The following C17orf78 variants were observed in gnomAD, a reference collection of about 807,000 sequenced individuals.
The protein encoded by C17orf78 is uncharacterized protein C17orf78.
Under a neutral mutation model 31.8 loss-of-function variants are expected in C17orf78, and 27 were observed. The observed-to-expected ratio is 0.85, with a 90% confidence interval of 0.63 to 1.17. C17orf78 has a LOEUF of 1.17. Ranked by LOEUF, C17orf78 falls within the 50% of genes most tolerant of loss-of-function variation. The pLI is 0.00. For missense variants in C17orf78, 258 were observed against 315.2 expected (o/e 0.82, Z 1.37); for synonymous variants, 106 against 115.1 (o/e 0.92, Z 0.51).
At chr17:37,376,735 A>G (rs1428941905) in intron 1 of C17orf78, among the ~76,000 whole-genome samples, 1 of 152,192 alleles carries the variant, frequency 6.6e-6, no homozygotes, top group Non-Finnish European at 1.5e-5. Context: ...TTGGTGGATC[A>G]CCTGAGGTCA....
intron 6 of C17orf78, among the ~76,000 whole-genome samples, 163 bp downstream of exon 6, chr17:37,389,525 C>G (rs573336417): frequency 5.4e-4 from 82 of 152,112 alleles, no homozygotes; most frequent in Non-Finnish European, 9.1e-4. Context: ...AACCCTGTCT[C>G]TACTAAAAAT....
At chr17:37,382,590 G>A (rs1000118931) in intron 3 of C17orf78, among the ~76,000 whole-genome samples, 26 of 151,958 alleles carry the variant, frequency 1.7e-4, no homozygotes, top group Admixed American at 8.5e-4. Flanking sequence ...CGTCAGGTGC[G>A]GTGGCTCACG....
intron 3 of C17orf78, among the ~76,000 whole-genome samples, chr17:37,381,626 CT>C (rs550853752): frequency 0.045 from 5,681 of 125,756 alleles, 50 homozygotes; most frequent in African/African-American, 0.086. Flanking sequence ...CTTCCATAGT[CT>C]TTTTTTTTTT....
At position 37,377,801 on chromosome 17, in the gene C17orf78, T is replaced by TA. The variant is rs542455492; in HGVS notation, c.59-73dup. On this transcript the variant is annotated intron_variant, in intron 1 of 6. Coordinates refer to ENST00000615133, the MANE Select transcript of C17orf78 (RefSeq NM_173625.5). ...ATATCTTCTCCATTGCCCAGAATTC[T>TA]AAAAAGTAAGTACCAGTAAATTCTG... The TA allele has an allele frequency of 2.8e-4, 341 of 1,217,164 alleles. No individual in the cohort carries two copies. The African/African-American group carries it at 4.6e-3, about 17-fold the overall frequency. 75.4% of individuals were successfully genotyped at this position (1,217,164 alleles called of 1,614,324 possible).
intron 5 of C17orf78, 46 bp from the exon 6 acceptor site, chr17:37,389,200 G>A: frequency 6.5e-7 from 1 of 1,542,516 alleles, no homozygotes; most frequent in African/African-American, 1.4e-5. Context: ...AAAACCAAAT[G>A]CTTACCAGCC....
At chr17:37,389,411 TA>T in intron 6 of C17orf78, 49 bp downstream of exon 6, 1 of 1,547,636 alleles carries the variant, frequency 6.5e-7, no homozygotes, top group South Asian at 1.2e-5. Context: ...GAAGGTGGGG[TA>T]GGGGCCGGGC....
chr17:37,390,334 A>ATCTATATATCTAT (rs2050822111), intron 6 of C17orf78, among the ~76,000 whole-genome samples: 15 of 93,422 alleles, frequency 1.6e-4, no homozygotes, highest in Non-Finnish European at 2.1e-4. Context: ...ATATATATAT[A>ATCTATATATCTAT]AAAGGCCAGC....
intron 1 of C17orf78, among the ~76,000 whole-genome samples, 200 bp from the exon 2 acceptor site, chr17:37,377,659 CAATAAATAAATAAATAAATA>C (rs140365002): frequency 4.9e-5 from 7 of 143,634 alleles, no homozygotes; most frequent in South Asian, 2.3e-4. Context: ...GACTCCGTCT[CAATAAATAAATAAATAAATA>C]AATAAATAAA....
chr17:37,390,330 A>ATATATCTATATATATATATC (rs1386032855), intron 6 of C17orf78, among the ~76,000 whole-genome samples: 6 of 41,582 alleles, frequency 1.4e-4, no homozygotes, highest in Admixed American at 5.0e-4. Context: ...ATATATATAT[A>ATATATCTATATATATATATC]TATAAAAGGC....
intron 3 of C17orf78, among the ~76,000 whole-genome samples, chr17:37,383,990 G>A (rs970579355): frequency 6.6e-6 from 1 of 152,176 alleles, no homozygotes; most frequent in Non-Finnish European, 1.5e-5. Context: ...TTAGAGCCGG[G>A]CGCGGTGTCT....
At chr17:37,382,083 C>G (rs1417492504) in intron 3 of C17orf78, among the ~76,000 whole-genome samples, 1 of 152,036 alleles carries the variant, frequency 6.6e-6, no homozygotes. Context: ...TTCACTATTA[C>G]TCAGTATCTA....
intron 4 of C17orf78, among the ~76,000 whole-genome samples, chr17:37,388,410 A>G (rs1597780638): frequency 6.6e-6 from 1 of 152,216 alleles, no homozygotes; most frequent in East Asian, 1.9e-4. Context: ...GCCCTATGTG[A>G]TTATGGAAAA....
intron 2 of C17orf78, 63 bp from the exon 3 acceptor site, chr17:37,379,074 A>G (rs1335769228): frequency 6.5e-7 from 1 of 1,530,366 alleles, no homozygotes; most frequent in Non-Finnish European, 8.8e-7. Flanking sequence ...ACCGTCTCAA[A>G]AAAACCAACC....
At chr17:37,381,298 GTC>G (rs1182050006) in intron 3 of C17orf78, among the ~76,000 whole-genome samples, 7 of 151,892 alleles carry the variant, frequency 4.6e-5, no homozygotes, top group Admixed American at 4.6e-4. Context: ...TGATTCTCCT[GTC>G]TCAGCTTTCC....
intron 1 of C17orf78, among the ~76,000 whole-genome samples, chr17:37,376,416 A>G (rs1163780056): frequency 1.3e-5 from 2 of 152,152 alleles, no homozygotes; most frequent in African/African-American, 4.8e-5. Context: ...AAGTCCTTTC[A>G]CTGTTGGATG....
chr17:37,382,898 A>C, intron 3 of C17orf78, among the ~76,000 whole-genome samples: 1 of 152,168 alleles, frequency 6.6e-6, no homozygotes, highest in Non-Finnish European at 1.5e-5. Flanking sequence ...TTAGCCAGGC[A>C]TGGAGGCACG....
intron 1 of C17orf78, among the ~76,000 whole-genome samples, chr17:37,376,768 A>G (rs8074327): frequency 0.031 from 4,767 of 152,266 alleles, 239 homozygotes; most frequent in African/African-American, 0.11. Flanking sequence ...CAGCCTGGCC[A>G]ACATGGCGAA....
At position 37,379,332 on chromosome 17, in the gene C17orf78, A is replaced by G; in HGVS notation, c.341A>G (p.His114Arg). The G allele has an allele frequency of 6.2e-7, 1 of 1,613,984 alleles. No individual in the cohort carries two copies. Among genetic ancestry groups the G allele is most frequent in the African/African-American group, 1.3e-5 (1 of 75,032 alleles). ...AACAGCTCTGCCTCCTCAAGCTGTC[A>G]CCTAATCCCCACATCCAAGTTTCAG... ...RRNSSASSSCHLIPTSKFQTG... is the reference protein window; with the variant it reads ...RRNSSASSSCRLIPTSKFQTG... The change falls in exon 3 of 7, where the codon CAC becomes CGC. Residue 114 changes from histidine (H) to arginine (R), a missense_variant. Coordinates refer to ENST00000615133, the MANE Select transcript of C17orf78 (RefSeq NM_173625.5).
chr17:37,390,236 A>AAT (rs1462644729), intron 6 of C17orf78, among the ~76,000 whole-genome samples: 1 of 50,044 alleles, frequency 2.0e-5, no homozygotes, highest in Non-Finnish European at 2.9e-5. Context: ...AATTATATAT[A>AAT]ATATATTATA....
Sources: gnomAD v4.1 joint callset for allele counts (sites outside exome capture counted in the v4.1 genomes callset) on GRCh38, gnomAD v4.1.1 for gene constraint, MANE v1.5 for transcripts, NCBI Gene and HGNC (gene_info 2026-07-23, HGNC 2026-07-21) for gene names.